Variants in DISP1 observed in about 807,000 individuals in gnomAD.
DISP1 encodes protein dispatched homolog 1.
Under a neutral mutation model 37.3 loss-of-function variants are expected in DISP1, and 30 were observed. The ratio of observed to expected loss-of-function variants is 0.80; its 90% CI spans 0.60 to 1.09. The LOEUF is 1.09. DISP1 is among the 50% of genes least tolerant of loss of function. The pLI is 0.00. For missense variants in DISP1, 1,598 were observed against 1,879.5 expected (o/e 0.85, Z 2.77); for synonymous variants, 634 against 690.2 (o/e 0.92, Z 1.28).
At chr1:222,910,295 C>T (rs1339972471) in intron 1 of DISP1, among the ~76,000 whole-genome samples, 1 of 151,986 alleles carries the variant, frequency 6.6e-6, no homozygotes, top group Non-Finnish European at 1.5e-5. Context: ...CTGGAGAAGT[C>T]GAGGCTACAG....
intron 1 of DISP1, among the ~76,000 whole-genome samples, chr1:222,906,799 A>G (rs537815729): frequency 1.2e-4 from 19 of 152,348 alleles, no homozygotes; most frequent in African/African-American, 4.3e-4. Context: ...CCATTCTTTG[A>G]TTCCTTAATA....
Position 222,899,212 on chromosome 1 carries a change from C to T in DISP1, c.-158-29218C>T, listed in dbSNP as rs556542859. On this transcript the variant is annotated intron_variant, in intron 1 of 8. Transcript: ENST00000675850. ...CTTTCCATGTCATTGTGCTACCTCC[C>T]CCAAATTTCAGCCTGTTTGAATTTG... Among the ~76,000 whole-genome samples the T allele has an allele frequency of 4.6e-5, 7 of 152,254 alleles. No individual in the cohort carries two copies. The South Asian group carries it at 1.5e-3, about 32-fold the overall frequency.
At chr1:222,852,319 C>T (rs1668308879) in intron 1 of DISP1, among the ~76,000 whole-genome samples, 1 of 151,078 alleles carries the variant, frequency 6.6e-6, no homozygotes, top group Non-Finnish European at 1.5e-5. Context: ...GGCCAAATAG[C>T]CAAAGTTGTT....
At chr1:222,902,065 T>TGCTA (rs1671619198) in intron 1 of DISP1, among the ~76,000 whole-genome samples, 2 of 151,812 alleles carry the variant, frequency 1.3e-5, no homozygotes, top group African/African-American at 4.8e-5. Context: ...TTATTAGTCT[T>TGCTA]GCTAGCGGTC....
At chr1:222,882,968 C>G (rs1415712874) in intron 1 of DISP1, among the ~76,000 whole-genome samples, 1 of 152,018 alleles carries the variant, frequency 6.6e-6, no homozygotes, top group Admixed American at 6.6e-5. Flanking sequence ...ATGATTAGAT[C>G]AACCTTTAGA....
At chr1:222,937,007 A>AATATTATATATTAT (rs1258674258) in intron 2 of DISP1, among the ~76,000 whole-genome samples, 1 of 115,716 alleles carries the variant, frequency 8.6e-6, no homozygotes, top group African/African-American at 3.3e-5. Context: ...TATAATATAG[A>AATATTATATATTAT]ATATTATATA....
intron 1 of DISP1, among the ~76,000 whole-genome samples, chr1:222,846,350 G>T (rs555719406): frequency 4.3e-4 from 65 of 152,310 alleles, no homozygotes; most frequent in African/African-American, 1.5e-3. Flanking sequence ...AATTAGCTGG[G>T]TGTGGTGGCG....
intron 1 of DISP1, among the ~76,000 whole-genome samples, chr1:222,823,319 G>A (rs957817760): frequency 9.2e-5 from 14 of 152,044 alleles, no homozygotes; most frequent in Admixed American, 7.2e-4. Flanking sequence ...AAAATGTGGT[G>A]TACACACAAC....
At chr1:222,937,190 C>T (rs894494428) in intron 2 of DISP1, among the ~76,000 whole-genome samples, 4 of 149,802 alleles carry the variant, frequency 2.7e-5, no homozygotes, top group Admixed American at 1.4e-4. Context: ...CCTGGGTTCA[C>T]GCCATTCTCC....
chr1:222,972,897 T>C lies in DISP1; in HGVS notation c.510-10183T>C, dbSNP rs1241360404. Reference sequence around the variant, plus strand: ...ACTGTGTAGTCTCTATTTCAAGACCTACTGAACCAGATCCCTGGGGAGGGG... The same window carrying C: ...ACTGTGTAGTCTCTATTTCAAGACCCACTGAACCAGATCCCTGGGGAGGGG... On this transcript the variant is annotated intron_variant, in intron 3 of 8. Coordinates refer to ENST00000675850, the MANE Select transcript of DISP1 (RefSeq NM_001377229.1). 2.6e-5 allele frequency among the ~76,000 whole-genome samples: 4 copies of C among 152,320 alleles called. No homozygotes were observed. The East Asian group carries it at 7.7e-4, about 29-fold the overall frequency.
At chr1:222,991,890 C>G in intron 6 of DISP1, 123 bp from the exon 7 acceptor site, 1 of 879,620 alleles carries the variant, frequency 1.1e-6, no homozygotes, top group East Asian at 2.7e-5. Context: ...TTCTTCTAAT[C>G]CTTTCAACTT....
At chr1:222,852,877 G>C (rs960440963) in intron 1 of DISP1, among the ~76,000 whole-genome samples, 61 of 152,184 alleles carry the variant, frequency 4.0e-4, no homozygotes, top group African/African-American at 1.2e-3. Flanking sequence ...TTTAACAAAA[G>C]TGAACTGAGT....
intron 1 of DISP1, among the ~76,000 whole-genome samples, chr1:222,851,888 T>A (rs9441849): frequency 0.081 from 12,367 of 152,092 alleles, 571 homozygotes; most frequent in Non-Finnish European, 0.098. Context: ...TAAAATTAGT[T>A]ATAAATTTGC....
At chr1:222,944,788 T>A (rs1267217290) in intron 3 of DISP1, among the ~76,000 whole-genome samples, 1 of 152,218 alleles carries the variant, frequency 6.6e-6, no homozygotes, top group Non-Finnish European at 1.5e-5. Flanking sequence ...TATTTTTGAG[T>A]TTCTTCTAGT....
chr1:222,943,446 T>G, intron 3 of DISP1, 114 bp downstream of exon 3: 1 of 1,412,898 alleles, frequency 7.1e-7, no homozygotes, highest in Non-Finnish European at 9.9e-7. Context: ...AAAGAAAACA[T>G]GAAAACGCAT....
chr1:222,846,416 G>A (rs561452879), intron 1 of DISP1, among the ~76,000 whole-genome samples: 8 of 152,236 alleles, frequency 5.3e-5, no homozygotes, highest in Admixed American at 1.3e-4. Flanking sequence ...GCTTGAACCC[G>A]GGAGGCAGAG....
chr1:222,869,350 T>G (rs1016522730), intron 1 of DISP1, among the ~76,000 whole-genome samples: 1 of 152,200 alleles, frequency 6.6e-6, no homozygotes, highest in Admixed American at 6.5e-5. Context: ...ATAGCAGTCA[T>G]TTAAAAAACT....
intron 2 of DISP1, among the ~76,000 whole-genome samples, chr1:222,937,872 G>GT (rs568809774): frequency 3.2e-5 from 4 of 124,182 alleles, no homozygotes; most frequent in Non-Finnish European, 6.6e-5. Flanking sequence ...AACAATAGCT[G>GT]TTTTGTTTTG....
intron 1 of DISP1, among the ~76,000 whole-genome samples, chr1:222,910,430 T>G (rs1156535521): frequency 6.6e-6 from 1 of 151,926 alleles, no homozygotes; most frequent in Non-Finnish European, 1.5e-5. Flanking sequence ...GGAATAAGAG[T>G]ATAAGAGTAT....
Sources: allele counts gnomAD v4.1 joint callset (sites outside exome capture counted in the v4.1 genomes callset), GRCh38; gene constraint gnomAD v4.1.1; transcripts MANE v1.5; gene names NCBI Gene and HGNC (gene_info 2026-07-23, HGNC 2026-07-21).